Variants in ERCC6 observed in about 807,000 individuals in gnomAD.
The protein encoded by ERCC6 is DNA excision repair protein ERCC-6.
ERCC6 carries 116 observed loss-of-function variants against 158.7 expected under a neutral mutation model. That is an observed-to-expected ratio of 0.73 (90% CI 0.63 to 0.85). ERCC6 has a LOEUF of 0.85. Among genes scored for constraint, ERCC6 ranks in the 40% least tolerant of loss-of-function variants. The pLI is 0.00. For missense variants in ERCC6, 1,698 were observed against 1,799.4 expected (o/e 0.94, Z 1.02); for synonymous variants, 678 against 659.3 (o/e 1.03, Z -0.43).
Position 49,488,956 on chromosome 10 carries a change from T to C in ERCC6, c.1821+4161A>G, listed in dbSNP as rs552719956. ...CCTGCCACCACGCCTGGCTAATTTT[T>C]TGTATTTTTAGTAGAGACGGGGTTT... On this transcript the variant is annotated intron_variant, in intron 8 of 20. Transcript: ENST00000355832. 6.6e-5 allele frequency among the ~76,000 whole-genome samples: 10 copies of C among 152,186 alleles called. No individual in the cohort carries two copies. The East Asian group carries it at 1.9e-3, about 29-fold the overall frequency.
chr10:49,502,496 C>T (rs1335717169), intron 6 of ERCC6: 2 of 152,178 alleles, frequency 1.3e-5, no homozygotes, highest in East Asian at 3.8e-4. Flanking sequence ...GTGGTTTGGA[C>T]ACAGCCTCAC....
chr10:49,486,013 G>A (rs1851072166), intron 8 of ERCC6, among the ~76,000 whole-genome samples: 1 of 152,120 alleles, frequency 6.6e-6, no homozygotes, highest in Admixed American at 6.5e-5. Context: ...CCAAAAAAGG[G>A]CAGGCTTAGC....
intron 5 of ERCC6, among the ~76,000 whole-genome samples, chr10:49,523,528 A>G (rs1457593373): frequency 6.6e-6 from 1 of 152,226 alleles, no homozygotes; most frequent in African/African-American, 2.4e-5. Flanking sequence ...GCAGATGACT[A>G]TTTTCTCAAG....
At chr10:49,463,033 T>C (rs941281442) in intron 18 of ERCC6, among the ~76,000 whole-genome samples, 4 of 152,214 alleles carry the variant, frequency 2.6e-5, no homozygotes, top group African/African-American at 7.2e-5. Flanking sequence ...AATCCTCATA[T>C]GTGGATAAAC....
At chr10:49,487,212 TGTTGTAA>T (rs1337689989) in intron 8 of ERCC6, among the ~76,000 whole-genome samples, 1 of 152,266 alleles carries the variant, frequency 6.6e-6, no homozygotes, top group Non-Finnish European at 1.5e-5. Flanking sequence ...TCTTCTCATA[TGTTGTAA>T]TTCATGTAAC....
chr10:49,473,254 T>C (rs900429914), intron 14 of ERCC6, among the ~76,000 whole-genome samples: 1 of 152,254 alleles, frequency 6.6e-6, no homozygotes, highest in African/African-American at 2.4e-5. Flanking sequence ...AAATACATGC[T>C]GTAGAAAACG....
At chr10:49,517,743 C>T (rs1424267487) in intron 5 of ERCC6, among the ~76,000 whole-genome samples, 2 of 151,898 alleles carry the variant, frequency 1.3e-5, no homozygotes, top group Non-Finnish European at 2.9e-5. Context: ...GGGGTTTCAC[C>T]ATGTTGCCCA....
At position 49,461,368 on chromosome 10, in the gene ERCC6, C is replaced by T. The variant is rs1850578688; in HGVS notation, c.3967G>A (p.Ala1323Thr). 31 of 1,613,364 alleles carry T rather than the reference C, an allele frequency of 1.9e-5. No individual in the cohort carries two copies. The highest frequency in any genetic ancestry group is 2.6e-5 in the Non-Finnish European group (31 of 1,180,022). Residue 1323 changes from alanine to threonine, a missense_variant, in exon 19 of 21, where the codon GCA becomes ACA. By Grantham distance (58) the Ala-to-Thr change is moderately conservative. Coordinates refer to ENST00000355832, the MANE Select transcript of ERCC6 (RefSeq NM_000124.4). ...TWTGHRGISG[A>T]PAGKKSRFGK... ...ATCTCTTACTTTTTTCCTGCTGGTG[C>T]ACCAGAAATCCCCCTGTGGCCAGTC...
intron 5 of ERCC6, among the ~76,000 whole-genome samples, chr10:49,523,249 G>A (rs561660108): frequency 7.2e-5 from 11 of 152,250 alleles, no homozygotes; most frequent in African/African-American, 2.2e-4. Context: ...CTTGAAATGC[G>A]CGGCAGTAGC....
chr10:49,492,609 A>G (rs1157723231), intron 8 of ERCC6, among the ~76,000 whole-genome samples: 1 of 152,234 alleles, frequency 6.6e-6, no homozygotes, highest in Non-Finnish European at 1.5e-5. Context: ...AAGAAATACA[A>G]CTGTCAATAC....
At chr10:49,506,787 G>A (rs1453397229) in intron 5 of ERCC6, among the ~76,000 whole-genome samples, 1 of 151,552 alleles carries the variant, frequency 6.6e-6, no homozygotes, top group African/African-American at 2.4e-5. Context: ...TAACTATAAT[G>A]GACTCTAGTT....
chr10:49,515,954 T>G, intron 5 of ERCC6: 1 of 1,614,204 alleles, frequency 6.2e-7, no homozygotes, highest in African/African-American at 1.3e-5. Flanking sequence ...AAGCTACATC[T>G]GATTCCAGTG....
chr10:49,459,447 A>G (rs1242348118), intron 20 of ERCC6, among the ~76,000 whole-genome samples: 1 of 152,066 alleles, frequency 6.6e-6, no homozygotes, highest in Non-Finnish European at 1.5e-5. Flanking sequence ...CCTAAAAAAA[A>G]ATAAAGAGGG....
At chr10:49,488,638 CTTTCT>C (rs1241258675) in intron 8 of ERCC6, among the ~76,000 whole-genome samples, 2 of 142,296 alleles carry the variant, frequency 1.4e-5, no homozygotes, top group Non-Finnish European at 3.1e-5. Context: ...AATGTGGCCT[CTTTCT>C]TTTTTTTTTT....
chr10:49,529,699 A>G (rs1837424646), intron 3 of ERCC6, among the ~76,000 whole-genome samples: 1 of 152,278 alleles, frequency 6.6e-6, no homozygotes, highest in African/African-American at 2.4e-5. Flanking sequence ...GCCCCTGGAG[A>G]GCTTAAAGAA....
At chr10:49,534,133 CAAAAA>C (rs746772551) in intron 1 of ERCC6, among the ~76,000 whole-genome samples, 2 of 60,314 alleles carry the variant, frequency 3.3e-5, no homozygotes, top group South Asian at 7.7e-4. Flanking sequence ...GACTCAATCT[CAAAAA>C]AAAAAAAAAA....
At chr10:49,488,107 T>C (rs1046894373) in intron 8 of ERCC6, 3 of 203,764 alleles carry the variant, frequency 1.5e-5, no homozygotes, top group Non-Finnish European at 3.2e-5. Context: ...ATATGTAACC[T>C]CTCCTAGTTT....
chr10:49,531,529 CT>C (rs1450562288), intron 2 of ERCC6, among the ~76,000 whole-genome samples: 1 of 152,202 alleles, frequency 6.6e-6, no homozygotes, highest in Non-Finnish European at 1.5e-5. Context: ...CACCAGCCAT[CT>C]AGCATCACTC....
chr10:49,493,838 C>A (rs992348881), intron 7 of ERCC6, among the ~76,000 whole-genome samples: 4 of 152,334 alleles, frequency 2.6e-5, no homozygotes, highest in Admixed American at 2.6e-4. Context: ...ACTACACCAC[C>A]CTGCCTGCTC....
Sources: allele counts gnomAD v4.1 joint callset (sites outside exome capture counted in the v4.1 genomes callset), GRCh38; gene constraint gnomAD v4.1.1; transcripts MANE v1.5; gene names NCBI Gene and HGNC (gene_info 2026-07-23, HGNC 2026-07-21).